Variants in EPSTI1 observed in about 807,000 individuals in gnomAD.
EPSTI1 encodes epithelial stromal interaction 1.
EPSTI1 carries 66 observed loss-of-function variants against 49.9 expected under a neutral mutation model. The observed-to-expected ratio is 1.32, with a 90% CI of 1.08 to 1.62. The LOEUF (loss-of-function observed/expected upper bound fraction) is 1.62. EPSTI1 is among the 40% of genes most tolerant of loss of function. The pLI, the probability that EPSTI1 is intolerant of heterozygous loss-of-function variation, is 0.00. For synonymous variants in EPSTI1, 137 were observed against 130.7 expected, an observed-to-expected ratio of 1.05 and a Z score of -0.33; for missense variants, 394 against 365.5, an observed-to-expected ratio of 1.08 and a Z score of -0.64.
intron 7 of EPSTI1, among the ~76,000 whole-genome samples, chr13:42,919,044 T>C (rs1167662745): frequency 1.3e-5 from 2 of 152,160 alleles, no homozygotes; most frequent in Non-Finnish European, 2.9e-5. Context: ...AAAGGTAGAA[T>C]AAAATATTTA....
intron 1 of EPSTI1, among the ~76,000 whole-genome samples, chr13:42,973,431 C>T (rs916251852): frequency 6.6e-6 from 1 of 152,132 alleles, no homozygotes; most frequent in Non-Finnish European, 1.5e-5. Flanking sequence ...ACCTTCTCAG[C>T]AATATTTTAT....
chr13:42,938,990 T>C (rs572784623), intron 6 of EPSTI1, among the ~76,000 whole-genome samples: 1 of 151,902 alleles, frequency 6.6e-6, no homozygotes, highest in South Asian at 2.1e-4. Context: ...TCTGGATATC[T>C]TGCAGTTTCT....
chr13:42,991,934 G>C, intron 1 of EPSTI1, 44 bp downstream of exon 1: 1 of 1,609,720 alleles, frequency 6.2e-7, no homozygotes, highest in Non-Finnish European at 8.5e-7. Context: ...AGTATGTTTG[G>C]GGCCCGGGCT....
At position 42,888,346 on chromosome 13, in the gene EPSTI1, C is replaced by A. The variant is rs1208537560; in HGVS notation, c.*148G>T. Reference sequence around the variant, plus strand: ...ATGCATAAATGAGGACAAGGAGAAGCCAGTCACTCCTGACTGCACGGTCAA... The same window carrying A: ...ATGCATAAATGAGGACAAGGAGAAGACAGTCACTCCTGACTGCACGGTCAA... On this transcript the variant is annotated 3_prime_UTR_variant, in exon 11 of 11. Transcript: ENST00000313624. 1 of 1,613,960 alleles carries A rather than the reference C, an allele frequency of 6.2e-7. No individual in the cohort carries two copies. Among genetic ancestry groups the A allele is most frequent in the African/African-American group, 1.3e-5 (1 of 74,896 alleles).
intron 9 of EPSTI1, 38 bp downstream of exon 9, chr13:42,900,272 A>G (rs907834638): frequency 6.3e-7 from 1 of 1,576,040 alleles, no homozygotes; most frequent in Non-Finnish European, 8.7e-7. Flanking sequence ...TAGGTAATTG[A>G]TTTAACCAAG....
chr13:42,916,902 A>G (rs1353955495), intron 8 of EPSTI1, among the ~76,000 whole-genome samples: 1 of 152,156 alleles, frequency 6.6e-6, no homozygotes, highest in African/African-American at 2.4e-5. Context: ...CTTCTGGCCT[A>G]TTAAAAGCAG....
At chr13:42,916,014 A>G (rs2037819793) in intron 8 of EPSTI1, among the ~76,000 whole-genome samples, 1 of 152,152 alleles carries the variant, frequency 6.6e-6, no homozygotes, top group African/African-American at 2.4e-5. Context: ...GAAGTTATTT[A>G]AAAATAAATC....
chr13:42,889,941 A>G (rs1245620420), intron 10 of EPSTI1, among the ~76,000 whole-genome samples: 1 of 152,130 alleles, frequency 6.6e-6, no homozygotes. Flanking sequence ...TTTTTTATGA[A>G]TTATGTCGGG....
intron 8 of EPSTI1, among the ~76,000 whole-genome samples, chr13:42,908,350 G>T (rs2037557969): frequency 6.6e-6 from 1 of 152,136 alleles, no homozygotes; most frequent in Admixed American, 6.5e-5. Flanking sequence ...GCCAGGCACG[G>T]TGGCACACAC....
rs1424852920 is a variant in EPSTI1, at chr13:42,887,076, A to ACAAT, written c.*1414_*1417dup. Reference sequence around the variant, plus strand: ...AAATGTCTGCTACAGCCGCACATTTACAATCAGTTTGGTGATATTTCCAAC... The same window carrying ACAAT: ...AAATGTCTGCTACAGCCGCACATTTACAATCAATCAGTTTGGTGATATTTCCAAC... On this transcript the variant is annotated 3_prime_UTR_variant, in exon 11 of 11. Coordinates refer to ENST00000313624, the MANE Select transcript of EPSTI1 (RefSeq NM_033255.5). 9 of 152,358 alleles carry ACAAT rather than the reference A, an allele frequency of 5.9e-5. No homozygotes were observed. Among genetic ancestry groups the ACAAT allele is most frequent in the East Asian group, 3.9e-4 (2 of 5,188 alleles). The allele number at this position is 152,358 out of a possible 1,614,324, so 9.4% of individuals were successfully genotyped here. A position where few individuals can be genotyped will look rare whatever the true frequency, so the allele number is the denominator to read the frequency against.
intron 5 of EPSTI1, among the ~76,000 whole-genome samples, chr13:42,954,733 C>A (rs1201839122): frequency 6.6e-6 from 1 of 152,002 alleles, no homozygotes; most frequent in Non-Finnish European, 1.5e-5. Context: ...TTGCTATGAC[C>A]TATGAAAAAC....
chr13:42,969,055 C>A, intron 3 of EPSTI1, 39 bp downstream of exon 3: 1 of 1,606,710 alleles, frequency 6.2e-7, no homozygotes, highest in South Asian at 1.1e-5. Flanking sequence ...ATAGGTGGCC[C>A]CGCCCTCCCT....
intron 9 of EPSTI1, among the ~76,000 whole-genome samples, chr13:42,898,095 G>C (rs1594609604): frequency 1.3e-5 from 2 of 152,146 alleles, no homozygotes; most frequent in Non-Finnish European, 2.9e-5. Context: ...AGTTACAACG[G>C]GTTAGGTGCA....
At chr13:42,958,225 C>G (rs2039333336) in intron 5 of EPSTI1, among the ~76,000 whole-genome samples, 1 of 152,160 alleles carries the variant, frequency 6.6e-6, no homozygotes, top group African/African-American at 2.4e-5. Flanking sequence ...CTGATCCACA[C>G]ATCTCCTGGG....
chr13:42,949,604 AAAAAG>A (rs1167843136), intron 6 of EPSTI1, among the ~76,000 whole-genome samples: 15 of 151,978 alleles, frequency 9.9e-5, no homozygotes, highest in African/African-American at 2.2e-4. Context: ...AAAAAAAAAA[AAAAAG>A]AAAAGAAAAG....
At chr13:42,951,485 A>G (rs2039094296) in intron 6 of EPSTI1, among the ~76,000 whole-genome samples, 1 of 152,214 alleles carries the variant, frequency 6.6e-6, no homozygotes, top group Non-Finnish European at 1.5e-5. Flanking sequence ...TTTTACAATA[A>G]GCAGAAGAAA....
In EPSTI1 at chr13:42,970,283, G is replaced by A. The variant is rs73470193; in HGVS notation, c.247+329C>T. ...TACATCAATTAAACATGTTATGTAC[G>A]CATTAAGTACAGAGAGCACAAAAAC... On this transcript the variant is annotated intron_variant, in intron 2 of 10. Coordinates refer to ENST00000313624, the MANE Select transcript of EPSTI1 (RefSeq NM_033255.5). The A allele has an allele frequency of 9.4e-3, 1,849 of 195,980 alleles. 31 individuals are homozygous for A. Among genetic ancestry groups the A allele is most frequent in the African/African-American group, 0.038 (1,626 of 43,100 alleles). 12.1% of individuals were successfully genotyped at this position (195,980 alleles called of 1,614,324 possible).
intron 10 of EPSTI1, 24 bp from the exon 11 acceptor site, chr13:42,888,526 T>G (rs781342909): frequency 1.3e-6 from 2 of 1,576,812 alleles, no homozygotes; most frequent in Admixed American, 3.8e-5. Context: ...AAAACAAAAA[T>G]TACTGCAAGC....
At chr13:42,969,463 T>C (rs997007930) in intron 2 of EPSTI1, 6 of 377,770 alleles carry the variant, frequency 1.6e-5, no homozygotes, top group Non-Finnish European at 2.8e-5. Context: ...CATTCTGGCA[T>C]TTTTAAAACT....
Sources: allele counts gnomAD v4.1 joint callset (sites outside exome capture counted in the v4.1 genomes callset), GRCh38; gene constraint gnomAD v4.1.1; transcripts MANE v1.5; gene names NCBI Gene and HGNC (gene_info 2026-07-23, HGNC 2026-07-21).